GALK2: variants seen among roughly 807,000 people sequenced by gnomAD.
The protein encoded by GALK2 is galactokinase 2, also known as N-acetylgalactosamine kinase.
GALK2 carries 36 observed loss-of-function variants against 52.4 expected under a neutral mutation model. The ratio of observed to expected loss-of-function variants is 0.69; its 90% CI spans 0.53 to 0.91. The LOEUF (loss-of-function observed/expected upper bound fraction) is 0.91. Ranked by LOEUF, GALK2 falls within the 40% of genes least tolerant of loss-of-function variation. The pLI, the probability that GALK2 is intolerant of heterozygous loss-of-function variation, is 0.00. For synonymous variants in GALK2, 176 were observed against 199.1 expected, an observed-to-expected ratio of 0.88 and a Z score of 0.98; for missense variants, 579 against 559.1, an observed-to-expected ratio of 1.04 and a Z score of -0.36.
At chr15:49,226,071 C>A (rs999699343) in intron 3 of GALK2, among the ~76,000 whole-genome samples, 4 of 152,198 alleles carry the variant, frequency 2.6e-5, no homozygotes, top group African/African-American at 7.2e-5. Context: ...GTTAGAGTTA[C>A]TCAGAGGAAG....
intron 5 of GALK2, 74 bp from the exon 6 acceptor site, chr15:49,281,913 C>A: frequency 9.3e-7 from 1 of 1,073,078 alleles, no homozygotes; most frequent in Non-Finnish European, 1.4e-6. Flanking sequence ...ACCTGTTTGT[C>A]ATGCCTGTAG....
intron 2 of GALK2, 49 bp downstream of exon 2, chr15:49,201,299 G>T (rs759930864): frequency 2.0e-6 from 2 of 987,330 alleles, no homozygotes; most frequent in South Asian, 1.5e-5. Context: ...CCTTTGATAA[G>T]ATCTAAATTT....
At chr15:49,248,254 A>G (rs2091440821) in intron 5 of GALK2, among the ~76,000 whole-genome samples, 2 of 152,226 alleles carry the variant, frequency 1.3e-5, no homozygotes, top group Non-Finnish European at 2.9e-5. Context: ...AGTTTGTTAC[A>G]TGGTATAAGA....
intron 5 of GALK2, among the ~76,000 whole-genome samples, chr15:49,245,137 T>C (rs1234133208): frequency 6.6e-6 from 1 of 151,846 alleles, no homozygotes; most frequent in Non-Finnish European, 1.5e-5. Flanking sequence ...TTGAGAAAGG[T>C]GGAGGAGGGT....
At chr15:49,345,899 G>C (rs2041405524) in intron 3 of GALK2, among the ~76,000 whole-genome samples, 1 of 152,178 alleles carries the variant, frequency 6.6e-6, no homozygotes, top group African/African-American at 2.4e-5. Flanking sequence ...TTGCCTTTGA[G>C]AGATTGAGTG....
intron 9 of GALK2, among the ~76,000 whole-genome samples, chr15:49,321,284 T>A (rs1043984644): frequency 6.6e-6 from 1 of 152,052 alleles, no homozygotes; most frequent in Non-Finnish European, 1.5e-5. Context: ...GGTGTGAGGC[T>A]CAGCAGGATC....
intron 5 of GALK2, among the ~76,000 whole-genome samples, chr15:49,261,974 A>G (rs964331217): frequency 5.9e-5 from 9 of 152,100 alleles, no homozygotes; most frequent in Non-Finnish European, 8.8e-5. Context: ...GTTTGCCAGT[A>G]TTTTATTGAG....
At chr15:49,252,346 G>GAATC (rs1472892720) in intron 5 of GALK2, among the ~76,000 whole-genome samples, 1 of 151,952 alleles carries the variant, frequency 6.6e-6, no homozygotes, top group Non-Finnish European at 1.5e-5. Context: ...CATAAATTGG[G>GAATC]AATCATTCCA....
rs1343421957 is a variant in GALK2, at chr15:49,331,754, C to T, written c.*3595C>T. 2 of 1,393,458 alleles carry T rather than the reference C, an allele frequency of 1.4e-6. No homozygotes were observed. The highest frequency in any genetic ancestry group is 2.0e-6 in the Non-Finnish European group (2 of 979,508). 86.3% of individuals were successfully genotyped at this position (1,393,458 alleles called of 1,614,324 possible). A position where few individuals can be genotyped will look rare whatever the true frequency, so the allele number is the denominator to read the frequency against. ...TAAAAGAAGCTAGAGAGAGAATTCTCAATTATTTTCAGAAAGAAAACCTAC... is the reference window on the plus strand; with the variant it reads ...TAAAAGAAGCTAGAGAGAGAATTCTTAATTATTTTCAGAAAGAAAACCTAC... On this transcript the variant is annotated 3_prime_UTR_variant, in exon 10 of 10. Coordinates refer to ENST00000560031, the MANE Select transcript of GALK2 (RefSeq NM_002044.4).
chr15:49,243,610 C>T (rs531635696), intron 5 of GALK2, among the ~76,000 whole-genome samples: 2 of 151,722 alleles, frequency 1.3e-5, no homozygotes, highest in African/African-American at 4.8e-5. Flanking sequence ...AGAAAACCTA[C>T]AAAATGAACC....
At position 49,239,233 on chromosome 15, in the gene GALK2, CTT is replaced by C; in HGVS notation, c.371_372del (p.Leu124GlnfsTer2). On this transcript the variant is annotated frameshift_variant, in exon 5 of 10. Coordinates refer to ENST00000560031, the MANE Select transcript of GALK2 (RefSeq NM_002044.4). LOFTEE classifies it high-confidence loss of function. Reference sequence around the variant, plus strand: ...CTTATATTCTTAGGAACACTTTGGTCTTAGTAACCTGACTGGAATGAACTGCC... The same window carrying C: ...CTTATATTCTTAGGAACACTTTGGTCAGTAACCTGACTGGAATGAACTGCC... ...GLKGIQEHFG[L>X]SNLTGMNCLV... 3.1e-6 allele frequency: 5 copies of C among 1,613,944 alleles called. No individual in the cohort carries two copies. The South Asian group carries it at 4.4e-5, about 14-fold the overall frequency.
chr15:49,337,508 CT>C (rs33973907), intron 3 of GALK2, among the ~76,000 whole-genome samples: 927 of 36,058 alleles, frequency 0.026, 5 homozygotes, highest in African/African-American at 0.074. Flanking sequence ...CATTTACCCA[CT>C]TTTTTTTTTT....
At chr15:49,283,453 T>C in intron 6 of GALK2, 113 bp from the exon 7 acceptor site, 1 of 897,402 alleles carries the variant, frequency 1.1e-6, no homozygotes, top group South Asian at 1.7e-5. Context: ...ATAAGTAATA[T>C]TTGAATGAAT....
chr15:49,264,674 C>T (rs867806428), intron 5 of GALK2, among the ~76,000 whole-genome samples: 2 of 152,212 alleles, frequency 1.3e-5, no homozygotes, highest in South Asian at 2.1e-4. Context: ...TCCAGTTTTT[C>T]TGTTCTGTTT....
intron 8 of GALK2, among the ~76,000 whole-genome samples, chr15:49,294,019 G>T (rs1007118841): frequency 6.6e-6 from 1 of 151,716 alleles, no homozygotes; most frequent in African/African-American, 2.4e-5. Flanking sequence ...AGAATTTTTT[G>T]AATCCAGGAG....
chr15:49,162,466 G>C (rs1194795389), intron 1 of GALK2, among the ~76,000 whole-genome samples: 1 of 152,112 alleles, frequency 6.6e-6, no homozygotes, highest in African/African-American at 2.4e-5. Flanking sequence ...ACAAGTTTTT[G>C]TGTGGACATA....
chr15:49,296,681 C>T (rs1167254902), intron 8 of GALK2, among the ~76,000 whole-genome samples: 1 of 152,022 alleles, frequency 6.6e-6, no homozygotes, highest in African/African-American at 2.4e-5. Context: ...CTCACTGAAA[C>T]CTCTGCCTCC....
chr15:49,257,320 G>A (rs532903589), intron 5 of GALK2, among the ~76,000 whole-genome samples: 3 of 152,238 alleles, frequency 2.0e-5, no homozygotes, highest in African/African-American at 7.2e-5. Flanking sequence ...ACTTGAACCC[G>A]CTGAATTTTG....
intron 2 of GALK2, 78 bp downstream of exon 2, chr15:49,201,328 C>G: frequency 4.0e-6 from 3 of 753,028 alleles, no homozygotes; most frequent in East Asian, 5.5e-5. Flanking sequence ...ATATTTCTTT[C>G]TTAATTTTTC....
Sources: gnomAD v4.1 joint callset for allele counts (sites outside exome capture counted in the v4.1 genomes callset) on GRCh38, gnomAD v4.1.1 for gene constraint, MANE v1.5 for transcripts, NCBI Gene and HGNC (gene_info 2026-07-23, HGNC 2026-07-21) for gene names.